Variants in RHOBTB1 observed in about 807,000 individuals in gnomAD.
The protein encoded by RHOBTB1 is rho-related BTB domain-containing protein 1.
A neutral mutation model predicts 71.6 loss-of-function variants in RHOBTB1; 40 were observed. The ratio of observed to expected loss-of-function variants is 0.56; its 90% confidence interval spans 0.43 to 0.73. The LOEUF is 0.73. Ranked by LOEUF, RHOBTB1 falls within the 30% of genes least tolerant of loss-of-function variation. The probability of loss-of-function intolerance (pLI) is 0.00; values close to 1 mark genes in which losing one functional copy is unlikely to be tolerated. For synonymous variants in RHOBTB1, 319 were observed against 334.9 expected (o/e 0.95, Z 0.52); for missense variants, 797 against 894.0 (o/e 0.89, Z 1.38).
chr10:60,885,720 C>A (rs2081537037), intron 7 of RHOBTB1, among the ~76,000 whole-genome samples: 1 of 152,184 alleles, frequency 6.6e-6, no homozygotes, highest in South Asian at 2.1e-4. Flanking sequence ...TTTTCCCTTT[C>A]TGAACTACTG....
intron 2 of RHOBTB1, among the ~76,000 whole-genome samples, chr10:60,940,800 C>T (rs1272157504): frequency 2.0e-5 from 3 of 152,104 alleles, no homozygotes; most frequent in Non-Finnish European, 4.4e-5. Flanking sequence ...TATGGAATTG[C>T]AAAGTAATTC....
chr10:60,879,627 G>A (rs1205886351), intron 7 of RHOBTB1, among the ~76,000 whole-genome samples: 2 of 152,040 alleles, frequency 1.3e-5, no homozygotes, highest in African/African-American at 4.8e-5. Flanking sequence ...TTACAGGCAT[G>A]AGCCACTGTG....
chr10:60,903,580 C>T (rs2082514025), intron 4 of RHOBTB1, among the ~76,000 whole-genome samples: 1 of 152,054 alleles, frequency 6.6e-6, no homozygotes, highest in African/African-American at 2.4e-5. Context: ...ACGTGGTGTT[C>T]TCTATTTGGC....
chr10:60,934,948 G>T (rs766008467), intron 2 of RHOBTB1, among the ~76,000 whole-genome samples: 7 of 152,310 alleles, frequency 4.6e-5, no homozygotes, highest in Non-Finnish European at 8.8e-5. Context: ...ACATAGAGAG[G>T]AGGGGAAGAT....
In RHOBTB1 at chr10:60,889,067, C is replaced by T; in HGVS notation, c.601G>A (p.Asp201Asn). Residue 201 changes from aspartate to asparagine, a missense_variant, in exon 6 of 11, where the codon GAC becomes AAC. By Grantham distance (23) the Asp-to-Asn change is conservative. Transcript: ENST00000337910. ...ATCAGCGCTGCTCGGATTGCATTGT[C>T]AAACACATCCTTGATACCAAACTGG... ...FDQFGIKDVFDNAIRAALISR... is the reference protein window; with the variant it reads ...FDQFGIKDVFNNAIRAALISR... The T allele has an allele frequency of 6.2e-7, 1 of 1,614,144 alleles. No homozygotes were observed. The highest frequency in any genetic ancestry group is 8.5e-7 in the Non-Finnish European group (1 of 1,180,016).
intron 5 of RHOBTB1, among the ~76,000 whole-genome samples, chr10:60,890,738 A>C (rs769014428): frequency 2.0e-5 from 3 of 152,218 alleles, no homozygotes; most frequent in Admixed American, 6.5e-5. Context: ...GGATTTGACG[A>C]CTTAGATGAA....
chr10:60,885,768 C>T lies in RHOBTB1; in HGVS notation c.1575+344G>A, dbSNP rs558410539. Among the ~76,000 whole-genome samples the T allele has an allele frequency of 5.9e-5, 9 of 152,234 alleles. No homozygotes were observed. The South Asian group carries it at 1.7e-3, about 28-fold the overall frequency. On this transcript the variant is annotated intron_variant, in intron 7 of 10. Transcript: ENST00000337910. ...CTCTTGTACTTGGTTTTGATAGTAC[C>T]ATGCCTGGTGACATTTGCCAAGAGG...
intron 2 of RHOBTB1, among the ~76,000 whole-genome samples, chr10:60,960,717 A>G (rs1565140525): frequency 6.6e-6 from 1 of 152,158 alleles, no homozygotes; most frequent in Non-Finnish European, 1.5e-5. Context: ...ATTAGATTGC[A>G]TTTTCTGTAG....
chr10:60,907,269 C>G (rs2082726986), intron 4 of RHOBTB1, among the ~76,000 whole-genome samples: 2 of 152,196 alleles, frequency 1.3e-5, no homozygotes, highest in Non-Finnish European at 2.9e-5. Context: ...AAAGGCAGAG[C>G]CCATCCTGTT....
chr10:60,998,715 C>T (rs1408246279), intron 1 of RHOBTB1, among the ~76,000 whole-genome samples: 1 of 152,180 alleles, frequency 6.6e-6, no homozygotes. Context: ...GGAACTGTCT[C>T]TTCTATCTCT....
chr10:60,962,219 T>C (rs1020668417), intron 2 of RHOBTB1, among the ~76,000 whole-genome samples: 30 of 152,168 alleles, frequency 2.0e-4, no homozygotes, highest in African/African-American at 7.0e-4. Flanking sequence ...ATAAAGTTTA[T>C]ATGCAGCTAG....
upstream of RHOBTB1, among the ~76,000 whole-genome samples, chr10:60,946,466 A>G (rs948043084): frequency 8.3e-4 from 126 of 152,144 alleles, no homozygotes; most frequent in African/African-American, 2.7e-3. Context: ...ACATTTTCTC[A>G]TGTAATCCCC....
intron 1 of RHOBTB1, among the ~76,000 whole-genome samples, chr10:60,993,580 T>C (rs2086943149): frequency 6.6e-6 from 1 of 152,160 alleles, no homozygotes; most frequent in African/African-American, 2.4e-5. Flanking sequence ...TTTCATGGCA[T>C]AAATTTTCAG....
At chr10:60,908,479 A>C (rs2133315456) in intron 4 of RHOBTB1, among the ~76,000 whole-genome samples, 1 of 152,346 alleles carries the variant, frequency 6.6e-6, no homozygotes, top group South Asian at 2.1e-4. Context: ...AGGTTTGCAA[A>C]CCAAACAAGT....
chr10:60,880,196 TGTGTGTGAGAGA>T (rs1387242268), intron 7 of RHOBTB1, among the ~76,000 whole-genome samples: 26 of 141,840 alleles, frequency 1.8e-4, no homozygotes, highest in African/African-American at 6.9e-4. Flanking sequence ...TGTGTGTGTG[TGTGTGTGAGAGA>T]GAGAGAGAGA....
At chr10:60,906,036 A>T (rs1344482515) in intron 4 of RHOBTB1, among the ~76,000 whole-genome samples, 1 of 152,238 alleles carries the variant, frequency 6.6e-6, no homozygotes, top group Non-Finnish European at 1.5e-5. Flanking sequence ...TAATGTTATC[A>T]TTTAAAACAT....
chr10:60,898,261 T>C (rs79524467), intron 4 of RHOBTB1, among the ~76,000 whole-genome samples: 4,064 of 152,266 alleles, frequency 0.027, 105 homozygotes, highest in South Asian at 0.1. Context: ...TCTGACCTTC[T>C]TTGGGGCTTC....
intron 2 of RHOBTB1, among the ~76,000 whole-genome samples, chr10:60,940,065 G>T (rs2134166963): frequency 6.6e-6 from 1 of 152,186 alleles, no homozygotes; most frequent in South Asian, 2.1e-4. Context: ...TAATAATAGT[G>T]CTGTTATAGA....
At chr10:60,944,864 C>T (rs1589392838), upstream of RHOBTB1, among the ~76,000 whole-genome samples, 1 of 152,154 alleles carries the variant, frequency 6.6e-6, no homozygotes, top group African/African-American at 2.4e-5. Context: ...CCCCAGGGGG[C>T]GTAGGGACGC....
Sources: gnomAD v4.1 joint callset for allele counts (sites outside exome capture counted in the v4.1 genomes callset) on GRCh38, gnomAD v4.1.1 for gene constraint, MANE v1.5 for transcripts, NCBI Gene and HGNC (gene_info 2026-07-23, HGNC 2026-07-21) for gene names.